Variants in GABRB1 observed in about 807,000 individuals in gnomAD.
GABRB1 encodes gamma-aminobutyric acid type A receptor subunit beta1, also known as gamma-aminobutyric acid receptor subunit beta-1.
In GABRB1, 17 loss-of-function variants were observed where a neutral mutation model predicts 51.6. The observed-to-expected ratio is 0.33, with a 90% CI of 0.23 to 0.49. The LOEUF (loss-of-function observed/expected upper bound fraction) is 0.49. Ranked by LOEUF, GABRB1 falls within the 20% of genes least tolerant of loss-of-function variation. The pLI is 0.99. For missense variants in GABRB1, 410 were observed against 600.6 expected (o/e 0.68, Z 3.32); for synonymous variants, 247 against 218.9 (o/e 1.13, Z -1.14).
intron 3 of GABRB1, among the ~76,000 whole-genome samples, chr4:47,145,256 T>C (rs1717109164): frequency 6.6e-6 from 1 of 152,020 alleles, no homozygotes. Flanking sequence ...CTTCCTTTTT[T>C]GGACTTATGG....
At chr4:47,083,529 G>A (rs1043840034) in intron 3 of GABRB1, among the ~76,000 whole-genome samples, 1 of 152,066 alleles carries the variant, frequency 6.6e-6, no homozygotes, top group African/African-American at 2.4e-5. Context: ...TAGTGAATGT[G>A]CATCAAAACC....
At chr4:47,077,930 ATTATATATT>A (rs1727636697) in intron 3 of GABRB1, among the ~76,000 whole-genome samples, 1 of 127,368 alleles carries the variant, frequency 7.9e-6, no homozygotes, top group African/African-American at 3.0e-5. Flanking sequence ...TTTTATATAT[ATTATATATT>A]TTATATATAT....
At chr4:47,145,946 T>C (rs1159145897) in intron 3 of GABRB1, among the ~76,000 whole-genome samples, 1 of 152,096 alleles carries the variant, frequency 6.6e-6, no homozygotes, top group African/African-American at 2.4e-5. Flanking sequence ...TTTTTTCTTC[T>C]TAAAACTCTC....
chr4:47,073,306 A>C (rs545511007), intron 3 of GABRB1, among the ~76,000 whole-genome samples: 7 of 152,234 alleles, frequency 4.6e-5, no homozygotes, highest in Non-Finnish European at 1.0e-4. Flanking sequence ...TGTAACAGGC[A>C]TATTAAGACA....
intron 8 of GABRB1, among the ~76,000 whole-genome samples, 187 bp from the exon 9 acceptor site, chr4:47,425,487 T>TAGAC (rs1553884631): frequency 7.3e-6 from 1 of 137,570 alleles, no homozygotes; most frequent in East Asian, 2.1e-4. Flanking sequence ...TGATGATAGA[T>TAGAC]AGATAGATAG....
intron 5 of GABRB1, among the ~76,000 whole-genome samples, chr4:47,349,683 G>C (rs1011998572): frequency 1.3e-5 from 2 of 152,020 alleles, no homozygotes; most frequent in Non-Finnish European, 2.9e-5. Context: ...ACAAAACATA[G>C]TATGTATAAG....
intron 5 of GABRB1, among the ~76,000 whole-genome samples, chr4:47,368,524 T>C (rs1323214194): frequency 6.6e-6 from 1 of 152,090 alleles, no homozygotes; most frequent in Non-Finnish European, 1.5e-5. Flanking sequence ...GGGCAAATAA[T>C]TATCTAGTAC....
chr4:47,412,967 G>A (rs563575832), intron 8 of GABRB1, among the ~76,000 whole-genome samples: 117 of 152,270 alleles, frequency 7.7e-4, no homozygotes, highest in African/African-American at 2.8e-3. Context: ...CCTGGCTGGC[G>A]CCATGTTGCC....
chr4:47,024,118 T>C (rs549586683), intron 1 of GABRB1, among the ~76,000 whole-genome samples: 1 of 151,956 alleles, frequency 6.6e-6, no homozygotes, highest in Admixed American at 6.6e-5. Context: ...TAGTTTTTGT[T>C]GTTGTTTTTT....
chr4:47,056,089 G>T (rs971235752), intron 3 of GABRB1, among the ~76,000 whole-genome samples: 2 of 152,072 alleles, frequency 1.3e-5, no homozygotes, highest in Non-Finnish European at 1.5e-5. Context: ...TTCAACTCTT[G>T]TTCTATTAAT....
At chr4:47,277,125 G>A (rs184559624) in intron 4 of GABRB1, among the ~76,000 whole-genome samples, 1 of 151,944 alleles carries the variant, frequency 6.6e-6, no homozygotes, top group South Asian at 2.1e-4. Context: ...TTATTACCAC[G>A]AATTACACTT....
At chr4:47,371,855 T>C (rs1301573374) in intron 5 of GABRB1, among the ~76,000 whole-genome samples, 1 of 152,208 alleles carries the variant, frequency 6.6e-6, no homozygotes, top group Non-Finnish European at 1.5e-5. Flanking sequence ...GTCAGACGGA[T>C]AGATGGCAAA....
intron 3 of GABRB1, among the ~76,000 whole-genome samples, chr4:47,159,214 T>A (rs547775345): frequency 6.6e-6 from 1 of 151,958 alleles, no homozygotes; most frequent in African/African-American, 2.4e-5. Context: ...CCCAGGAATC[T>A]GAGGCTGCTG....
intron 3 of GABRB1, among the ~76,000 whole-genome samples, chr4:47,121,231 C>G (rs931313097): frequency 6.6e-6 from 1 of 152,176 alleles, no homozygotes; most frequent in Non-Finnish European, 1.5e-5. Context: ...TGAGTTCTGC[C>G]CAGTGTTGAC....
chr4:47,037,308 G>A (rs1301835634), intron 3 of GABRB1, among the ~76,000 whole-genome samples: 1 of 152,120 alleles, frequency 6.6e-6, no homozygotes, highest in Non-Finnish European at 1.5e-5. Flanking sequence ...AGTTCTCTGA[G>A]GTTATAATAG....
chr4:47,283,610 C>T (rs1414699896), intron 4 of GABRB1, among the ~76,000 whole-genome samples: 1 of 151,228 alleles, frequency 6.6e-6, no homozygotes, highest in African/African-American at 2.4e-5. Flanking sequence ...GGATGGTCTC[C>T]ATCTCCTGAC....
intron 3 of GABRB1, among the ~76,000 whole-genome samples, chr4:47,086,449 T>A (rs1423056846): frequency 1.3e-5 from 2 of 152,166 alleles, no homozygotes; most frequent in African/African-American, 4.8e-5. Flanking sequence ...TTAGACTTTT[T>A]AAAAATAAAT....
At chr4:47,418,217 A>G (rs1412567585) in intron 8 of GABRB1, among the ~76,000 whole-genome samples, 2 of 152,204 alleles carry the variant, frequency 1.3e-5, no homozygotes, top group African/African-American at 2.4e-5. Flanking sequence ...ACCAACATAC[A>G]TATAATAAGA....
chr4:47,325,728 C>A (rs1725235580), intron 5 of GABRB1, among the ~76,000 whole-genome samples: 4 of 152,282 alleles, frequency 2.6e-5, no homozygotes, highest in Admixed American at 2.0e-4. Flanking sequence ...ATCCTTCAGT[C>A]CTCACCTCAC....
Sources: gnomAD v4.1 joint callset for allele counts (sites outside exome capture counted in the v4.1 genomes callset) on GRCh38, gnomAD v4.1.1 for gene constraint, MANE v1.5 for transcripts, NCBI Gene and HGNC (gene_info 2026-07-23, HGNC 2026-07-21) for gene names.